The following SEMA3E variants were observed in gnomAD, a reference collection of about 807,000 sequenced individuals.
SEMA3E encodes the protein semaphorin-3E.
A neutral mutation model predicts 93.6 loss-of-function variants in SEMA3E; 49 were observed. That is an observed-to-expected ratio of 0.52 (90% CI 0.42 to 0.66). The LOEUF is 0.66. SEMA3E is among the 30% of genes least tolerant of loss of function. The probability of loss-of-function intolerance (pLI) is 0.00; values close to 1 mark genes in which losing one functional copy is unlikely to be tolerated. For missense variants in SEMA3E, 906 were observed against 964.8 expected (o/e 0.94, Z 0.81); for synonymous variants, 363 against 330.7 (o/e 1.10, Z -1.06).
chr7:83,400,192 G>A lies in SEMA3E; in HGVS notation c.1202C>T (p.Ala401Val). The part of the protein sequence containing the change: ...YGTTKDYPDD[A>V]IRFARSHPLM... The stretch of plus-strand genomic sequence containing the variant: ...TGGATGACTTCTTGCAAATCGGATG[G>A]CATCATCAGGATAGTCCTTGGTGGT... Residue 401 changes from alanine to valine, a missense_variant, in exon 11 of 17, where the codon GCC (alanine) becomes GTC (valine). Ala to Val is a moderately conservative substitution (Grantham distance 64). Coordinates refer to ENST00000643230, the MANE Select transcript of SEMA3E (RefSeq NM_012431.3). 6.2e-7 allele frequency: 1 copy of A among 1,613,840 alleles called. No homozygotes were observed. Among genetic ancestry groups the A allele is most frequent in the Non-Finnish European group, 8.5e-7 (1 of 1,179,932 alleles).
intron 1 of SEMA3E, among the ~76,000 whole-genome samples, chr7:83,539,895 G>GTGTGTGTGTGTT (rs1367132669): frequency 8.0e-5 from 12 of 150,540 alleles, no homozygotes; most frequent in African/African-American, 2.5e-4. Flanking sequence ...GTGTGTGTGT[G>GTGTGTGTGTGTT]TTTGAAGTGG....
At position 83,363,300 on chromosome 7, in the gene SEMA3E, T is replaced by A. The variant is rs1264231391; in HGVS notation, c.*4286A>T. ...AGTTGAGCCAAATAGAGATTGTACA[T>A]AATGGTACATAGCGCGTAGTGGCAG... On this transcript the variant is annotated 3_prime_UTR_variant, in exon 17 of 17. Transcript: ENST00000643230. 1 of 152,206 alleles carries A rather than the reference T, an allele frequency of 6.6e-6. No homozygotes were observed. The highest frequency in any genetic ancestry group is 2.1e-4 in the South Asian group (1 of 4,838). The allele number at this position is 152,206 out of a possible 1,614,324, so 9.4% of individuals were successfully genotyped here. A position where few individuals can be genotyped will look rare whatever the true frequency, so the allele number is the denominator to read the frequency against.
At position 83,601,048 on chromosome 7, in the gene SEMA3E, C is replaced by A. The variant is rs533438544; in HGVS notation, c.115+47380G>T. On this transcript the variant is annotated intron_variant, in intron 1 of 16. Coordinates refer to ENST00000643230, the MANE Select transcript of SEMA3E (RefSeq NM_012431.3). ...GTTTTAAGAGAGGAGCAGGAGAATG[C>A]GAGGGAGGGAAAGAGATGTGATGAC... Among the ~76,000 whole-genome samples the A allele has an allele frequency of 6.6e-5, 10 of 152,106 alleles. 1 individual carries two copies. The highest frequency in any genetic ancestry group is 3.9e-4 in the Admixed American group (6 of 15,276).
At chr7:83,601,145 G>C (rs1429085024) in intron 1 of SEMA3E, among the ~76,000 whole-genome samples, 1 of 152,164 alleles carries the variant, frequency 6.6e-6, no homozygotes, top group Non-Finnish European at 1.5e-5. Context: ...TAGAGGAAAG[G>C]AAATGGATTA....
intron 12 of SEMA3E, among the ~76,000 whole-genome samples, chr7:83,396,098 T>TAG (rs1788114699): frequency 1.3e-5 from 2 of 150,854 alleles, no homozygotes; most frequent in African/African-American, 4.9e-5. Flanking sequence ...TTTATATATA[T>TAG]GCACACATAT....
chr7:83,632,016 A>G (rs1793794884), intron 1 of SEMA3E, among the ~76,000 whole-genome samples: 1 of 152,004 alleles, frequency 6.6e-6, no homozygotes, highest in African/African-American at 2.4e-5. Context: ...TTAGCCGGGC[A>G]TGGTGGTACG....
intron 2 of SEMA3E, among the ~76,000 whole-genome samples, chr7:83,482,487 C>T (rs979167079): frequency 2.7e-5 from 4 of 150,502 alleles, no homozygotes; most frequent in Admixed American, 6.6e-5. Flanking sequence ...ATGGCGTGAA[C>T]CCAGGAGGCG....
chr7:83,534,393 T>A (rs1359518469), intron 1 of SEMA3E, among the ~76,000 whole-genome samples: 1 of 152,216 alleles, frequency 6.6e-6, no homozygotes, highest in Non-Finnish European at 1.5e-5. Flanking sequence ...TTCTAAGGAC[T>A]ATGGCTTTAC....
At chr7:83,595,230 A>C (rs1484144536) in intron 1 of SEMA3E, among the ~76,000 whole-genome samples, 2 of 152,122 alleles carry the variant, frequency 1.3e-5, no homozygotes, top group Non-Finnish European at 2.9e-5. Flanking sequence ...ACTTGCTATC[A>C]AAAGCATCCT....
intron 15 of SEMA3E, among the ~76,000 whole-genome samples, chr7:83,386,517 G>A (rs999802446): frequency 1.3e-5 from 2 of 151,958 alleles, no homozygotes; most frequent in Admixed American, 6.6e-5. Context: ...ACCAACCCCA[G>A]CCCTAAGCTT....
intron 16 of SEMA3E, among the ~76,000 whole-genome samples, chr7:83,382,426 ACT>A (rs1412316177): frequency 6.6e-6 from 1 of 151,812 alleles, no homozygotes; most frequent in African/African-American, 2.4e-5. Flanking sequence ...ATGAGCTATA[ACT>A]CTCTGAGTTT....
chr7:83,561,990 G>A (rs1584332397), intron 1 of SEMA3E, among the ~76,000 whole-genome samples: 1 of 152,100 alleles, frequency 6.6e-6, no homozygotes, highest in African/African-American at 2.4e-5. Flanking sequence ...GAGGGCGCAT[G>A]TATTCAATGG....
chr7:83,561,657 C>T (rs1792032009), intron 1 of SEMA3E, among the ~76,000 whole-genome samples: 2 of 152,064 alleles, frequency 1.3e-5, no homozygotes, highest in South Asian at 4.1e-4. Flanking sequence ...TTTCAATTCA[C>T]TTTGAAAATT....
chr7:83,569,142 CAAAA>C (rs200678421), intron 1 of SEMA3E, among the ~76,000 whole-genome samples: 19 of 142,494 alleles, frequency 1.3e-4, no homozygotes, highest in Admixed American at 3.5e-4. Context: ...GCAATAGCTA[CAAAA>C]AAAAAAAAAT....
At chr7:83,525,105 A>G (rs1791128362) in intron 1 of SEMA3E, among the ~76,000 whole-genome samples, 1 of 152,086 alleles carries the variant, frequency 6.6e-6, no homozygotes, top group African/African-American at 2.4e-5. Flanking sequence ...TGTTTATTCA[A>G]TGCCCTAAGT....
intron 5 of SEMA3E, among the ~76,000 whole-genome samples, chr7:83,413,310 CTTG>C (rs146343950): frequency 0.19 from 29,055 of 151,706 alleles, 3,132 homozygotes; most frequent in Middle Eastern, 0.3. Flanking sequence ...ACCTTCTTAT[CTTG>C]TTAAGTTTTA....
At chr7:83,398,522 T>C (rs1257368151) in intron 11 of SEMA3E, among the ~76,000 whole-genome samples, 2 of 152,208 alleles carry the variant, frequency 1.3e-5, no homozygotes, top group East Asian at 3.9e-4. Flanking sequence ...CCGTTAATCA[T>C]GAACCCACAG....
chr7:83,543,455 C>G (rs896448956), intron 1 of SEMA3E, among the ~76,000 whole-genome samples: 1 of 151,988 alleles, frequency 6.6e-6, no homozygotes, highest in African/African-American at 2.4e-5. Context: ...TGTGTCCAGA[C>G]TCATATAAAC....
At chr7:83,592,605 A>G (rs1291762509) in intron 1 of SEMA3E, among the ~76,000 whole-genome samples, 1 of 152,170 alleles carries the variant, frequency 6.6e-6, no homozygotes, top group Non-Finnish European at 1.5e-5. Flanking sequence ...TTAAATGGAG[A>G]GAAGAAAGCA....
Sources: allele counts gnomAD v4.1 joint callset (sites outside exome capture counted in the v4.1 genomes callset), GRCh38; gene constraint gnomAD v4.1.1; transcripts MANE v1.5; gene names NCBI Gene and HGNC (gene_info 2026-07-23, HGNC 2026-07-21).